The following DCC variants were observed in gnomAD, a reference collection of about 807,000 sequenced individuals.
DCC encodes the protein DCC netrin 1 receptor.
In DCC, 58 loss-of-function variants were observed where a neutral mutation model predicts 172.5. The ratio of observed to expected loss-of-function variants is 0.34; its 90% CI spans 0.27 to 0.42. The LOEUF (loss-of-function observed/expected upper bound fraction) is 0.42, where lower values mean the gene tolerates loss of function less well. Ranked by LOEUF, DCC falls within the 10% of genes least tolerant of loss-of-function variation. The pLI, the probability that DCC is intolerant of heterozygous loss-of-function variation, is 1.00. For synonymous variants in DCC, 709 were observed against 644.5 expected, an observed-to-expected ratio of 1.10 and a Z score of -1.52; for missense variants, 1,740 against 1,791.0, an observed-to-expected ratio of 0.97 and a Z score of 0.51.
chr18:52,535,734 T>C (rs1568217100), intron 1 of DCC, among the ~76,000 whole-genome samples: 1 of 152,178 alleles, frequency 6.6e-6, no homozygotes, highest in South Asian at 2.1e-4. Context: ...AAAAATAATA[T>C]ATTCTGAGAA....
At chr18:53,050,025 A>G (rs1454969374) in intron 5 of DCC, among the ~76,000 whole-genome samples, 1 of 151,972 alleles carries the variant, frequency 6.6e-6, no homozygotes, top group East Asian at 1.9e-4. Flanking sequence ...CGCCTGGCAA[A>G]TTACTGGTGT....
chr18:53,052,630 T>C (rs991139653), intron 5 of DCC, among the ~76,000 whole-genome samples: 5 of 152,074 alleles, frequency 3.3e-5, no homozygotes, highest in African/African-American at 1.2e-4. Context: ...TAACCAGGCA[T>C]GGTAGGGGAA....
At chr18:52,415,722 C>A (rs1986999400) in intron 1 of DCC, among the ~76,000 whole-genome samples, 1 of 152,024 alleles carries the variant, frequency 6.6e-6, no homozygotes, top group South Asian at 2.1e-4. Context: ...AAACGTGAAG[C>A]CTGTTTATCA....
At chr18:52,567,712 T>C (rs1237568897) in intron 1 of DCC, among the ~76,000 whole-genome samples, 2 of 152,124 alleles carry the variant, frequency 1.3e-5, no homozygotes, top group East Asian at 3.9e-4. Flanking sequence ...GGTACAAATG[T>C]ACATTATTTC....
At chr18:53,418,016 C>T (rs1910421469) in intron 21 of DCC, among the ~76,000 whole-genome samples, 1 of 152,116 alleles carries the variant, frequency 6.6e-6, no homozygotes, top group Non-Finnish European at 1.5e-5. Flanking sequence ...AAAGGACCCC[C>T]TCAAGAATTA....
chr18:52,622,169 C>T (rs2034492228), intron 1 of DCC, among the ~76,000 whole-genome samples: 1 of 152,152 alleles, frequency 6.6e-6, no homozygotes, highest in Non-Finnish European at 1.5e-5. Flanking sequence ...AATTTAATTT[C>T]TGCCACCATT....
At chr18:52,561,971 T>C (rs1036102446) in intron 1 of DCC, among the ~76,000 whole-genome samples, 10 of 152,200 alleles carry the variant, frequency 6.6e-5, no homozygotes, top group African/African-American at 2.2e-4. Flanking sequence ...CAAGTGTTAA[T>C]TAAGAATGGT....
chr18:52,937,170 T>C (rs952983680), intron 5 of DCC, among the ~76,000 whole-genome samples: 1 of 152,126 alleles, frequency 6.6e-6, no homozygotes, highest in Non-Finnish European at 1.5e-5. Flanking sequence ...GAGGTTACAG[T>C]GAGTCATTAT....
In DCC at chr18:53,247,640, C is replaced by T. The variant is rs371793570; in HGVS notation, c.1911+32043C>T. ...AGATTGATTTAATGTAGCTATTAAACGTATTAAATACATTTTTATAGATGT... is the reference window on the plus strand; with the variant it reads ...AGATTGATTTAATGTAGCTATTAAATGTATTAAATACATTTTTATAGATGT... On this transcript the variant is annotated intron_variant, in intron 12 of 28. Transcript: ENST00000442544. 2.4e-4 allele frequency among the ~76,000 whole-genome samples: 36 copies of T among 151,918 alleles called. 1 individual carries two copies. The highest frequency in any genetic ancestry group is 4.9e-4 in the Non-Finnish European group (33 of 67,944).
chr18:53,133,441 G>C (rs570202475), intron 7 of DCC, among the ~76,000 whole-genome samples: 3 of 152,148 alleles, frequency 2.0e-5, no homozygotes, highest in Non-Finnish European at 2.9e-5. Flanking sequence ...CCACAGGGTT[G>C]GACTGAGTTC....
intron 1 of DCC, among the ~76,000 whole-genome samples, chr18:52,679,106 A>G (rs1800065560): frequency 6.6e-6 from 1 of 152,126 alleles, no homozygotes; most frequent in African/African-American, 2.4e-5. Flanking sequence ...ATTTTTCCAC[A>G]GGGTATAACA....
At chr18:52,941,203 T>A (rs1010563646) in intron 5 of DCC, 1 of 152,188 alleles carries the variant, frequency 6.6e-6, no homozygotes, top group African/African-American at 2.4e-5. Flanking sequence ...TAAGTCTTTT[T>A]AATATAGCCT....
intron 3 of DCC, among the ~76,000 whole-genome samples, chr18:52,909,302 G>A (rs2039934237): frequency 6.6e-6 from 1 of 152,118 alleles, no homozygotes; most frequent in African/African-American, 2.4e-5. Context: ...TTATTGGCAT[G>A]ACTTAGGACT....
chr18:53,144,309 T>A lies in DCC; in HGVS notation c.1262-13047T>A, dbSNP rs150893181. ...ATTTTCTTAGAACTCCCTTCCCATT[T>A]CAATGGTGTATTAGTCTGTTCTCAT... is the stretch of plus-strand genomic sequence containing the variant. On this transcript the variant is annotated intron_variant, in intron 7 of 28. Transcript: ENST00000442544. 2.0e-4 allele frequency among the ~76,000 whole-genome samples: 30 copies of A among 152,302 alleles called. No individual in the cohort carries two copies. The East Asian group carries it at 5.8e-3, about 29-fold the overall frequency.
chr18:53,115,353 TC>T, intron 7 of DCC, among the ~76,000 whole-genome samples: 1 of 151,768 alleles, frequency 6.6e-6, no homozygotes, highest in East Asian at 1.9e-4. Context: ...ATCTATGTCA[TC>T]TTTGAAAATT....
chr18:53,510,300 A>AATCT (rs2046234688), intron 27 of DCC, among the ~76,000 whole-genome samples: 1 of 152,218 alleles, frequency 6.6e-6, no homozygotes, highest in African/African-American at 2.4e-5. Context: ...CAGCATATGC[A>AATCT]ATCTGTAAAA....
At chr18:52,920,490 T>C (rs181856195) in intron 3 of DCC, among the ~76,000 whole-genome samples, 138 of 152,184 alleles carry the variant, frequency 9.1e-4, no homozygotes, top group African/African-American at 3.3e-3. Flanking sequence ...ACATCTATTA[T>C]ATACCATTAC....
At chr18:52,594,382 T>C (rs2033864805) in intron 1 of DCC, among the ~76,000 whole-genome samples, 2 of 152,228 alleles carry the variant, frequency 1.3e-5, no homozygotes, top group African/African-American at 4.8e-5. Flanking sequence ...AGTCCTCCTC[T>C]TAGTTTTGGC....
chr18:53,027,867 G>C (rs576772072), intron 5 of DCC, among the ~76,000 whole-genome samples: 12 of 152,092 alleles, frequency 7.9e-5, no homozygotes, highest in Non-Finnish European at 1.5e-4. Flanking sequence ...TGGCCAAGGG[G>C]AGACAGTGGC....
Sources: gnomAD v4.1 joint callset for allele counts (sites outside exome capture counted in the v4.1 genomes callset) on GRCh38, gnomAD v4.1.1 for gene constraint, MANE v1.5 for transcripts, NCBI Gene and HGNC (gene_info 2026-07-23, HGNC 2026-07-21) for gene names.